The following AFF3 variants were observed in gnomAD, a reference collection of about 807,000 sequenced individuals.
The protein encoded by AFF3 is ALF transcription elongation factor 3, also known as AF4/FMR2 family member 3.
A neutral mutation model predicts 129.7 loss-of-function variants in AFF3; 32 were observed. The observed-to-expected ratio is 0.25, with a 90% CI of 0.19 to 0.33. AFF3 has a LOEUF of 0.33. AFF3 is among the 10% of genes least tolerant of loss of function. The pLI, the probability that AFF3 is intolerant of heterozygous loss-of-function variation, is 1.00. For synonymous variants in AFF3, 644 were observed against 635.4 expected, an observed-to-expected ratio of 1.01 and a Z score of -0.20; for missense variants, 1,373 against 1,592.0, an observed-to-expected ratio of 0.86 and a Z score of 2.34.
At chr2:99,971,371 T>C (rs1678359650) in intron 7 of AFF3, among the ~76,000 whole-genome samples, 1 of 152,190 alleles carries the variant, frequency 6.6e-6, no homozygotes, top group Non-Finnish European at 1.5e-5. Context: ...CTACCACATC[T>C]CATCCCATTC....
intron 7 of AFF3, among the ~76,000 whole-genome samples, chr2:99,899,976 A>G (rs1694232410): frequency 6.6e-6 from 1 of 152,172 alleles, no homozygotes; most frequent in Non-Finnish European, 1.5e-5. Context: ...TTATTGTTAA[A>G]CCATGCTGCA....
intron 7 of AFF3, among the ~76,000 whole-genome samples, chr2:99,989,257 G>A (rs530878068): frequency 2.6e-5 from 4 of 152,312 alleles, no homozygotes; most frequent in Admixed American, 2.0e-4. Flanking sequence ...GGAAGGTCAG[G>A]ACAAGAGATA....
chr2:99,877,638 T>C (rs1273434898), intron 7 of AFF3, among the ~76,000 whole-genome samples: 1 of 152,234 alleles, frequency 6.6e-6, no homozygotes, highest in African/African-American at 2.4e-5. Flanking sequence ...ATGATTATTT[T>C]TGGAATGCAA....
At chr2:99,926,343 T>A (rs1420693034) in intron 7 of AFF3, among the ~76,000 whole-genome samples, 2 of 152,032 alleles carry the variant, frequency 1.3e-5, no homozygotes, top group South Asian at 4.2e-4. Flanking sequence ...TACACTGGAG[T>A]GGAAGCCCGG....
intron 2 of AFF3, among the ~76,000 whole-genome samples, chr2:100,124,664 G>A (rs879841073): frequency 5.9e-5 from 9 of 151,726 alleles, no homozygotes; most frequent in South Asian, 2.1e-4. Flanking sequence ...GGAGCAGAAG[G>A]GGGGAGATGG....
rs1342177023 is a variant in AFF3 at position 99,800,273 on chromosome 2, C to T, written c.921+37204G>A. On this transcript the variant is annotated intron_variant, in intron 8 of 24. Transcript: ENST00000672756. Reference sequence around the variant, plus strand: ...AAAAAAGGCCAAAGTTTTTTGAACACATCACCACAGAAGATACATGGATGG... The same window carrying T: ...AAAAAAGGCCAAAGTTTTTTGAACATATCACCACAGAAGATACATGGATGG... Among the ~76,000 whole-genome samples the T allele has an allele frequency of 2.6e-5, 4 of 152,134 alleles. No homozygotes were observed. In the East Asian group the frequency reaches 5.8e-4, roughly 22 times the overall value.
intron 4 of AFF3, among the ~76,000 whole-genome samples, chr2:100,098,112 T>C (rs1355477329): frequency 6.6e-6 from 1 of 151,976 alleles, no homozygotes; most frequent in African/African-American, 2.4e-5. Flanking sequence ...TGTCATTTTA[T>C]AAGTGATTAA....
intron 12 of AFF3, among the ~76,000 whole-genome samples, chr2:99,657,675 T>A (rs1685872352): frequency 6.6e-6 from 1 of 152,250 alleles, no homozygotes; most frequent in Non-Finnish European, 1.5e-5. Context: ...CACATTTTCC[T>A]CTTTGAAAAA....
Position 99,546,849 on chromosome 2 carries a change from C to T in AFF3, c.*4625G>A, listed in dbSNP as rs118085052. 4.6e-3 allele frequency: 1,002 copies of T among 218,504 alleles called. 35 individuals carry two copies. The East Asian group carries it at 0.063, about 14-fold the overall frequency. 13.5% of individuals were successfully genotyped at this position (218,504 alleles called of 1,614,324 possible). ...TAAAGAATGACAAGCAAAGCGGCAT[C>T]CCAGGGCTACTGGTTGAACAGGAAC... On this transcript the variant is annotated 3_prime_UTR_variant, in exon 25 of 25. Transcript: ENST00000672756.
At position 99,624,424 on chromosome 2, in the gene AFF3, T is replaced by C. The variant is rs542745257; in HGVS notation, c.1185-22803A>G. Among the ~76,000 whole-genome samples the C allele has an allele frequency of 4.6e-5, 7 of 152,328 alleles. No homozygotes were observed. The South Asian group carries it at 1.5e-3, about 32-fold the overall frequency. On this transcript the variant is annotated intron_variant, in intron 13 of 24. Coordinates refer to ENST00000672756, the MANE Select transcript of AFF3 (RefSeq NM_001386135.1). ...TTATAATATTTACTACCATTGCCAT[T>C]GTGTAACTTACCTCATTAGCTACTG... is the stretch of plus-strand genomic sequence containing the variant.
chr2:99,672,765 G>T (rs1199744153), intron 11 of AFF3, among the ~76,000 whole-genome samples, 176 bp from the exon 12 acceptor site: 1 of 151,942 alleles, frequency 6.6e-6, no homozygotes, highest in Non-Finnish European at 1.5e-5. Context: ...GTGCACTTAG[G>T]AAATAGTAGA....
intron 13 of AFF3, among the ~76,000 whole-genome samples, chr2:99,612,879 G>T (rs1244713237): frequency 6.6e-6 from 1 of 152,104 alleles, no homozygotes; most frequent in African/African-American, 2.4e-5. Flanking sequence ...CCAGTGTGTG[G>T]GCTACAAAGC....
chr2:100,071,058 A>G (rs1688145284), intron 4 of AFF3, among the ~76,000 whole-genome samples: 1 of 152,196 alleles, frequency 6.6e-6, no homozygotes, highest in Non-Finnish European at 1.5e-5. Flanking sequence ...CTAAATACTT[A>G]TCCAGCACAG....
At position 99,872,842 on chromosome 2, in the gene AFF3, A is replaced by G. The variant is rs1691988480; in HGVS notation, c.874-35318T>C. ...CTGATCTCATCAAAAAAATTCTTTA[A>G]GTATTTAAGTTAAAGTAGTTGTCAA... is the stretch of plus-strand genomic sequence containing the variant. On this transcript the variant is annotated intron_variant, in intron 7 of 24. Transcript: ENST00000672756. Among the ~76,000 whole-genome samples the G allele has an allele frequency of 6.6e-5, 10 of 152,316 alleles. No homozygotes were observed. The South Asian group carries it at 1.9e-3, about 28-fold the overall frequency.
chr2:99,571,875 T>C (rs1676504788), intron 18 of AFF3, among the ~76,000 whole-genome samples: 1 of 152,144 alleles, frequency 6.6e-6, no homozygotes, highest in Admixed American at 6.5e-5. Context: ...CACAAGTCAG[T>C]AGGAAAAGTA....
chr2:99,813,658 AAGG>A (rs1686972117), intron 8 of AFF3, among the ~76,000 whole-genome samples: 1 of 152,244 alleles, frequency 6.6e-6, no homozygotes, highest in Non-Finnish European at 1.5e-5. Context: ...GAGGAGATTA[AAGG>A]AGAACAAACA....
intron 4 of AFF3, among the ~76,000 whole-genome samples, chr2:100,036,745 C>G (rs1215183244): frequency 6.9e-6 from 1 of 145,760 alleles, no homozygotes; most frequent in Non-Finnish European, 1.5e-5. Flanking sequence ...GGTTGAAAAT[C>G]AGAGAAATAT....
intron 8 of AFF3, among the ~76,000 whole-genome samples, chr2:99,764,738 G>A (rs1343167066): frequency 6.6e-6 from 1 of 152,096 alleles, no homozygotes; most frequent in Non-Finnish European, 1.5e-5. Context: ...TTTTGCTGCT[G>A]AGTATACAGC....
chr2:99,574,131 C>T (rs1245158893), intron 18 of AFF3, among the ~76,000 whole-genome samples: 1 of 152,198 alleles, frequency 6.6e-6, no homozygotes, highest in Non-Finnish European at 1.5e-5. Flanking sequence ...TTCTAGGCCT[C>T]AAGTTGAATC....
Sources: allele counts gnomAD v4.1 joint callset (sites outside exome capture counted in the v4.1 genomes callset), GRCh38; gene constraint gnomAD v4.1.1; transcripts MANE v1.5; gene names NCBI Gene and HGNC (gene_info 2026-07-23, HGNC 2026-07-21).